Variants in URI1 observed in about 807,000 individuals in gnomAD.
URI1 encodes unconventional prefoldin RPB5 interactor 1.
Under a neutral mutation model 60.2 loss-of-function variants are expected in URI1, and 39 were observed. The observed-to-expected ratio is 0.65, with a 90% confidence interval of 0.50 to 0.85. The LOEUF (loss-of-function observed/expected upper bound fraction) is 0.85. URI1 is among the 40% of genes least tolerant of loss of function. URI1 has a pLI of 0.00. For synonymous variants in URI1, 251 were observed against 236.8 expected (o/e 1.06, Z -0.55); for missense variants, 691 against 665.9 (o/e 1.04, Z -0.42).
At chr19:29,998,787 G>A (rs1376307430) in intron 4 of URI1, among the ~76,000 whole-genome samples, 1 of 151,942 alleles carries the variant, frequency 6.6e-6, no homozygotes, top group African/African-American at 2.4e-5. Context: ...TTTTGATTGG[G>A]AAGTTTAATC....
At position 29,947,268 on chromosome 19, in the gene URI1, G is replaced by T. The variant is rs539513647; in HGVS notation, c.117+4604G>T. On this transcript the variant is annotated intron_variant, in intron 1 of 10. Transcript: ENST00000392271. ...GTCATGCATATGTGAAGAAATGGAC[G>T]GATGGAATTACATTATAGGGAGCAA... Among the ~76,000 whole-genome samples the T allele has an allele frequency of 3.3e-5, 5 of 152,282 alleles. No individual in the cohort carries two copies. The South Asian group carries it at 1.0e-3, about 32-fold the overall frequency.
At chr19:29,996,187 G>T (rs1328814041) in intron 4 of URI1, among the ~76,000 whole-genome samples, 1 of 151,976 alleles carries the variant, frequency 6.6e-6, no homozygotes. Flanking sequence ...GAGTCTGTTG[G>T]TTGCCATGGG....
At chr19:29,923,830 G>A (rs2054842854) in intron 1 of URI1, 2 of 1,395,880 alleles carry the variant, frequency 1.4e-6, no homozygotes, top group African/African-American at 1.4e-5. Context: ...TAACCACATG[G>A]ATTAGTCAGA....
At chr19:29,979,381 T>C (rs1176150461) in intron 2 of URI1, among the ~76,000 whole-genome samples, 1 of 152,162 alleles carries the variant, frequency 6.6e-6, no homozygotes, top group African/African-American at 2.4e-5. Flanking sequence ...ATTTTAAAGG[T>C]TTTTTGCTTT....
intron 4 of URI1, among the ~76,000 whole-genome samples, chr19:29,994,243 C>G (rs1262022511): frequency 3.3e-5 from 5 of 152,070 alleles, no homozygotes; most frequent in African/African-American, 1.2e-4. Flanking sequence ...AAACTGATAC[C>G]TTATTGTAGG....
intron 1 of URI1, chr19:29,923,797 T>C (rs2054842546): frequency 2.0e-6 from 3 of 1,522,832 alleles, no homozygotes; most frequent in Non-Finnish European, 2.6e-6. Flanking sequence ...CTGCTGTTAG[T>C]GTGAGGTTTG....
chr19:29,925,972 T>C (rs2054861932), intron 1 of URI1: 1 of 152,274 alleles, frequency 6.6e-6, no homozygotes, highest in Non-Finnish European at 1.5e-5. Context: ...GAAGTTGGAA[T>C]AGTGGTTACC....
Position 29,998,842 on chromosome 19 carries a change from G to C in URI1, c.368-6519G>C, listed in dbSNP as rs192563863. 1.8e-3 allele frequency among the ~76,000 whole-genome samples: 269 copies of C among 151,636 alleles called. 1 individual carries two copies. Among genetic ancestry groups the C allele is most frequent in the African/African-American group, 6.2e-3 (256 of 41,378 alleles). On this transcript the variant is annotated intron_variant, in intron 4 of 10. Transcript: ENST00000392271. ...TACTGATGGGGGAAAGACTTTCGCT[G>C]TTTTGTTATTTTCTGCATGTTTTAT... is the stretch of plus-strand genomic sequence containing the variant.
At chr19:29,958,055 G>A (rs889793756) in intron 1 of URI1, 1 of 152,048 alleles carries the variant, frequency 6.6e-6, no homozygotes, top group Non-Finnish European at 1.5e-5. Context: ...TTCCCAAAGT[G>A]CTGGGACCAC....
intron 1 of URI1, among the ~76,000 whole-genome samples, chr19:29,944,225 A>G (rs1432596469): frequency 3.1e-5 from 4 of 129,780 alleles, no homozygotes; most frequent in Admixed American, 1.7e-4. Flanking sequence ...TTTAAATTAG[A>G]AGACATTAAT....
intron 4 of URI1, among the ~76,000 whole-genome samples, chr19:30,002,395 G>C (rs759935059): frequency 1.3e-5 from 2 of 151,904 alleles, no homozygotes; most frequent in Non-Finnish European, 2.9e-5. Context: ...TTTGGAATTT[G>C]CACTGTTAAT....
chr19:29,982,497 T>TTAGATATC (rs1303272772), intron 2 of URI1, among the ~76,000 whole-genome samples: 1 of 152,210 alleles, frequency 6.6e-6, no homozygotes, highest in Non-Finnish European at 1.5e-5. Flanking sequence ...ATAGAAATAT[T>TTAGATATC]TAGATATCTA....
At chr19:29,931,157 CA>C (rs1041075312) in intron 1 of URI1, among the ~76,000 whole-genome samples, 3 of 151,752 alleles carry the variant, frequency 2.0e-5, no homozygotes, top group African/African-American at 7.2e-5. Flanking sequence ...CCTACTTCTG[CA>C]AAAAAAATGC....
At chr19:29,955,403 T>C (rs1412771165) in intron 1 of URI1, among the ~76,000 whole-genome samples, 1 of 152,216 alleles carries the variant, frequency 6.6e-6, no homozygotes, top group African/African-American at 2.4e-5. Context: ...TTTATGCATA[T>C]GTTGTTTCTC....
At chr19:29,994,500 AC>A (rs2145403640) in intron 4 of URI1, among the ~76,000 whole-genome samples, 1 of 152,168 alleles carries the variant, frequency 6.6e-6, no homozygotes, top group East Asian at 1.9e-4. Context: ...TAGATACCTT[AC>A]ATAAGTGGAA....
At chr19:29,930,271 T>G (rs1021516483) in intron 1 of URI1, among the ~76,000 whole-genome samples, 1 of 152,162 alleles carries the variant, frequency 6.6e-6, no homozygotes, top group African/African-American at 2.4e-5. Context: ...AAGTTTTTAA[T>G]TTTGATGACA....
At chr19:29,962,402 C>CTTTTTTTTTTTT (rs11331580) in intron 1 of URI1, among the ~76,000 whole-genome samples, 2 of 123,478 alleles carry the variant, frequency 1.6e-5, no homozygotes. Flanking sequence ...TTTATAGTAT[C>CTTTTTTTTTTTT]TTTTTTTTTT....
intron 7 of URI1, among the ~76,000 whole-genome samples, chr19:30,007,933 G>A (rs907130392): frequency 8.6e-5 from 13 of 151,798 alleles, no homozygotes; most frequent in Admixed American, 8.5e-4. Flanking sequence ...CCAGATAGTT[G>A]ACTTTTAATA....
chr19:29,958,039 C>T (rs1170901851), intron 1 of URI1: 1 of 152,112 alleles, frequency 6.6e-6, no homozygotes, highest in African/African-American at 2.4e-5. Context: ...ATCCACCCGC[C>T]TCTGCTTCCC....
Sources: gnomAD v4.1 joint callset for allele counts (sites outside exome capture counted in the v4.1 genomes callset) on GRCh38, gnomAD v4.1.1 for gene constraint, MANE v1.5 for transcripts, NCBI Gene and HGNC (gene_info 2026-07-23, HGNC 2026-07-21) for gene names.